Variants in RNFT2 observed in about 807,000 individuals in gnomAD.
RNFT2 encodes E3 ubiquitin-protein ligase RNFT2.
A neutral mutation model predicts 53.0 loss-of-function variants in RNFT2; 36 were observed. That is an observed-to-expected ratio of 0.68 (90% CI 0.52 to 0.90). The LOEUF is 0.90. Ranked by LOEUF, RNFT2 falls within the 40% of genes least tolerant of loss-of-function variation. The pLI, the probability that RNFT2 is intolerant of heterozygous loss-of-function variation, is 0.00. For synonymous variants in RNFT2, 260 were observed against 253.2 expected, an observed-to-expected ratio of 1.03 and a Z score of -0.26; for missense variants, 514 against 585.6, an observed-to-expected ratio of 0.88 and a Z score of 1.26.
At chr12:116,766,226 G>T (rs1872910124) in intron 5 of RNFT2, among the ~76,000 whole-genome samples, 1 of 151,890 alleles carries the variant, frequency 6.6e-6, no homozygotes, top group Non-Finnish European at 1.5e-5. Flanking sequence ...AGGTTACAGT[G>T]AGCTATGATC....
chr12:116,741,188 CGT>C, intron 3 of RNFT2, 94 bp downstream of exon 3: 1 of 952,228 alleles, frequency 1.1e-6, no homozygotes, highest in Non-Finnish European at 1.7e-6. Context: ...TCACCCTCAG[CGT>C]TAGTTGTTAG....
intron 10 of RNFT2, among the ~76,000 whole-genome samples, chr12:116,843,952 C>T (rs1054464381): frequency 2.0e-5 from 3 of 152,220 alleles, no homozygotes; most frequent in African/African-American, 7.2e-5. Flanking sequence ...CATGGCTGCC[C>T]TCATGGCGTT....
chr12:116,826,189 C>T (rs1259322786), intron 7 of RNFT2, among the ~76,000 whole-genome samples: 1 of 152,150 alleles, frequency 6.6e-6, no homozygotes, highest in East Asian at 1.9e-4. Flanking sequence ...TTCCCACCCG[C>T]TTCTGGAGCC....
chr12:116,818,243 A>G (rs1038748265), intron 7 of RNFT2, among the ~76,000 whole-genome samples: 2 of 151,442 alleles, frequency 1.3e-5, no homozygotes, highest in African/African-American at 4.9e-5. Context: ...GGCTCGCTTG[A>G]GCCCAGGAAC....
chr12:116,743,663 C>A (rs954745949), intron 3 of RNFT2, among the ~76,000 whole-genome samples: 2 of 152,182 alleles, frequency 1.3e-5, no homozygotes, highest in African/African-American at 2.4e-5. Flanking sequence ...TGTCCTAGCA[C>A]ATACATCCAA....
intron 7 of RNFT2, among the ~76,000 whole-genome samples, chr12:116,789,903 A>G (rs953058691): frequency 4.2e-5 from 6 of 143,062 alleles, no homozygotes; most frequent in African/African-American, 1.6e-4. Flanking sequence ...TGGTGGGTGG[A>G]TGGATGGTAG....
At chr12:116,743,420 C>T (rs980050378) in intron 3 of RNFT2, among the ~76,000 whole-genome samples, 3 of 151,796 alleles carry the variant, frequency 2.0e-5, no homozygotes, top group African/African-American at 7.3e-5. Flanking sequence ...GCACGCACCA[C>T]CACGTTTGGC....
chr12:116,772,567 A>G (rs1873250744), intron 6 of RNFT2, among the ~76,000 whole-genome samples: 1 of 152,162 alleles, frequency 6.6e-6, no homozygotes, highest in Non-Finnish European at 1.5e-5. Context: ...GGCCTCCCAA[A>G]GTGCTGGGAT....
intron 10 of RNFT2, among the ~76,000 whole-genome samples, chr12:116,842,086 T>C (rs1007903552): frequency 4.0e-5 from 6 of 149,994 alleles, no homozygotes; most frequent in Non-Finnish European, 7.4e-5. Context: ...CTGGCTCAAC[T>C]TGGGGAGGAG....
chr12:116,777,866 C>A lies in RNFT2; in HGVS notation c.729-1329C>A, dbSNP rs959429108. 6.6e-5 allele frequency among the ~76,000 whole-genome samples: 10 copies of A among 152,248 alleles called. No homozygotes were observed. In the East Asian group the frequency reaches 1.9e-3, roughly 29 times the overall value. On this transcript the variant is annotated intron_variant, in intron 6 of 10. Transcript: ENST00000257575. ...GCCTGGATTCAAGTTCAAGTCTGTC[C>A]GATACCAACGCCTTTATGCTTATGT...
At chr12:116,757,800 G>A (rs1872567468) in intron 5 of RNFT2, among the ~76,000 whole-genome samples, 1 of 152,210 alleles carries the variant, frequency 6.6e-6, no homozygotes, top group African/African-American at 2.4e-5. Context: ...GTATTCTGCG[G>A]TTGTCAGATG....
intron 7 of RNFT2, among the ~76,000 whole-genome samples, chr12:116,816,633 C>T (rs1875694717): frequency 6.6e-6 from 1 of 152,168 alleles, no homozygotes; most frequent in African/African-American, 2.4e-5. Flanking sequence ...ATTCAAATCC[C>T]ACCTCTGCTA....
intron 7 of RNFT2, among the ~76,000 whole-genome samples, chr12:116,803,500 C>G (rs1874904447): frequency 6.6e-6 from 1 of 152,230 alleles, no homozygotes; most frequent in South Asian, 2.1e-4. Flanking sequence ...AAAAGCCACT[C>G]CGCTGACCCC....
intron 4 of RNFT2, 100 bp downstream of exon 4, chr12:116,750,407 C>T: frequency 1.8e-6 from 2 of 1,115,192 alleles, no homozygotes; most frequent in African/African-American, 1.5e-5. Context: ...CAGGGAGAGG[C>T]AGCAGAGACC....
At chr12:116,795,127 C>A (rs750211620) in intron 7 of RNFT2, among the ~76,000 whole-genome samples, 2 of 150,946 alleles carry the variant, frequency 1.3e-5, no homozygotes, top group Non-Finnish European at 2.9e-5. Context: ...AAATGAAGGC[C>A]GGGCCCGGTG....
At chr12:116,811,389 T>G (rs1457325339) in intron 7 of RNFT2, among the ~76,000 whole-genome samples, 1 of 151,954 alleles carries the variant, frequency 6.6e-6, no homozygotes, top group Non-Finnish European at 1.5e-5. Context: ...TTTTTTCCTT[T>G]TTTTGAGACA....
chr12:116,781,180 C>T (rs1237468786), intron 7 of RNFT2, among the ~76,000 whole-genome samples: 2 of 152,148 alleles, frequency 1.3e-5, no homozygotes, highest in East Asian at 1.9e-4. Flanking sequence ...CCTCAGTGCC[C>T]TCATCTGTAA....
rs146705795 is a variant in RNFT2 at position 116,785,751 on chromosome 12, G to A, written c.882+6403G>A. 6.7e-3 allele frequency among the ~76,000 whole-genome samples: 1,017 copies of A among 152,170 alleles called. 14 individuals carry two copies. The highest frequency in any genetic ancestry group is 0.022 in the African/African-American group (922 of 41,518). ...GCCTTCTGGTTTATTTTCAGCAGAC[G>A]AAAATAAAACAGGAAAGCCAGGCAT... On this transcript the variant is annotated intron_variant, in intron 7 of 10. Coordinates refer to ENST00000257575, the MANE Select transcript of RNFT2 (RefSeq NM_001382266.1).
chr12:116,770,198 A>G (rs180746533), intron 6 of RNFT2, among the ~76,000 whole-genome samples: 113 of 152,300 alleles, frequency 7.4e-4, no homozygotes, highest in African/African-American at 2.6e-3. Context: ...TAAGTGTCCT[A>G]TATGGGTGTA....
Sources: gnomAD v4.1 joint callset for allele counts (sites outside exome capture counted in the v4.1 genomes callset) on GRCh38, gnomAD v4.1.1 for gene constraint, MANE v1.5 for transcripts, NCBI Gene and HGNC (gene_info 2026-07-23, HGNC 2026-07-21) for gene names.